Variants in CNTNAP2 observed in about 807,000 individuals in gnomAD.
CNTNAP2 encodes the protein contactin-associated protein-like 2.
Under a neutral mutation model 155.2 loss-of-function variants are expected in CNTNAP2, and 98 were observed. The observed-to-expected ratio is 0.63, with a 90% CI of 0.54 to 0.75. CNTNAP2 has a LOEUF of 0.75. Ranked by LOEUF, CNTNAP2 falls within the 30% of genes least tolerant of loss-of-function variation. The pLI, the probability that CNTNAP2 is intolerant of heterozygous loss-of-function variation, is 0.00. For synonymous variants in CNTNAP2, 651 were observed against 631.2 expected, an observed-to-expected ratio of 1.03 and a Z score of -0.47; for missense variants, 1,727 against 1,688.1, an observed-to-expected ratio of 1.02 and a Z score of -0.40.
chr7:147,542,451 A>G (rs1234967169), intron 11 of CNTNAP2, among the ~76,000 whole-genome samples: 3 of 152,208 alleles, frequency 2.0e-5, no homozygotes, highest in Non-Finnish European at 4.4e-5. Context: ...AAATTACTAA[A>G]TCTCCCTGAG....
intron 11 of CNTNAP2, among the ~76,000 whole-genome samples, chr7:147,539,735 GGT>G (rs1799607332): frequency 6.6e-6 from 1 of 152,176 alleles, no homozygotes. Flanking sequence ...TATGGACCAT[GGT>G]GTCAGGAATA....
intron 3 of CNTNAP2, among the ~76,000 whole-genome samples, chr7:146,946,877 A>G (rs946903203): frequency 1.3e-5 from 2 of 152,112 alleles, no homozygotes; most frequent in Non-Finnish European, 2.9e-5. Context: ...CATTATTTAA[A>G]ACTGATAATT....
At chr7:146,573,845 G>A (rs1798480070) in intron 1 of CNTNAP2, among the ~76,000 whole-genome samples, 1 of 151,974 alleles carries the variant, frequency 6.6e-6, no homozygotes, top group African/African-American at 2.4e-5. Flanking sequence ...TTCTTCATAG[G>A]GTTTTTCTTA....
chr7:147,653,071 C>T (rs765446241), intron 13 of CNTNAP2, among the ~76,000 whole-genome samples: 36 of 151,762 alleles, frequency 2.4e-4, no homozygotes, highest in East Asian at 5.8e-4. Flanking sequence ...GTGAAAGAAA[C>T]GAAAAAAACA....
chr7:147,197,379 C>A (rs879707051), intron 8 of CNTNAP2, among the ~76,000 whole-genome samples: 1 of 125,570 alleles, frequency 8.0e-6, no homozygotes, highest in Non-Finnish European at 1.6e-5. Context: ...GATAAATAAT[C>A]TGCTTTTGTC....
chr7:148,130,813 A>G lies in CNTNAP2; in HGVS notation c.2554+12525A>G, dbSNP rs539478653. On this transcript the variant is annotated intron_variant, in intron 16 of 23. Transcript: ENST00000361727. ...ATCCTGCCCACACAAAATTTTTTTTATCATTTTGCATCTTGATTTATAATA... is the reference window on the plus strand; with the variant it reads ...ATCCTGCCCACACAAAATTTTTTTTGTCATTTTGCATCTTGATTTATAATA... Among the ~76,000 whole-genome samples, 3 of 152,274 alleles carry G rather than the reference A, an allele frequency of 2.0e-5. No individual in the cohort carries two copies. The East Asian group carries it at 5.8e-4, about 29-fold the overall frequency.
chr7:146,784,682 G>T (rs1311142943), intron 2 of CNTNAP2, among the ~76,000 whole-genome samples: 1 of 152,134 alleles, frequency 6.6e-6, no homozygotes, highest in East Asian at 1.9e-4. Flanking sequence ...GAAATTTTGA[G>T]TGGACACTCT....
chr7:147,553,350 G>A (rs1436482180), intron 11 of CNTNAP2, among the ~76,000 whole-genome samples: 1 of 152,142 alleles, frequency 6.6e-6, no homozygotes, highest in African/African-American at 2.4e-5. Flanking sequence ...GAATCACATG[G>A]TTCTGGGGAG....
At chr7:146,216,281 G>A (rs13224771) in intron 1 of CNTNAP2, among the ~76,000 whole-genome samples, 10,883 of 152,224 alleles carry the variant, frequency 0.071, 441 homozygotes, top group Middle Eastern at 0.14. Context: ...CAAGGTGGGA[G>A]ATATGAGTGG....
intron 2 of CNTNAP2, among the ~76,000 whole-genome samples, chr7:146,828,725 A>AG (rs1257463230): frequency 5.3e-5 from 8 of 152,138 alleles, no homozygotes; most frequent in Non-Finnish European, 1.0e-4. Context: ...TATACTGTTT[A>AG]GTAAGTGAGC....
intron 1 of CNTNAP2, among the ~76,000 whole-genome samples, chr7:146,283,050 T>G (rs1167778389): frequency 6.6e-6 from 1 of 152,180 alleles, no homozygotes; most frequent in Non-Finnish European, 1.5e-5. Flanking sequence ...TTGCCTGAAA[T>G]TATTTAGATG....
At chr7:146,468,732 C>A (rs1389509764) in intron 1 of CNTNAP2, among the ~76,000 whole-genome samples, 1 of 152,046 alleles carries the variant, frequency 6.6e-6, no homozygotes, top group Non-Finnish European at 1.5e-5. Context: ...AAAAAGATGG[C>A]AAAGCTGATT....
intron 12 of CNTNAP2, among the ~76,000 whole-genome samples, chr7:147,601,375 T>C (rs997641504): frequency 2.0e-5 from 3 of 151,768 alleles, no homozygotes; most frequent in Admixed American, 6.6e-5. Flanking sequence ...AAGGGGGTTG[T>C]TCTCTGGCGG....
chr7:147,821,168 T>A lies in CNTNAP2; in HGVS notation c.2099-82397T>A, dbSNP rs117127930. The stretch of plus-strand genomic sequence containing the variant: ...GGAATATAAAGAGGAATAGGAATTT[T>A]TATTATATTTTTAAACAACATGACT... On this transcript the variant is annotated intron_variant, in intron 13 of 23. Coordinates refer to ENST00000361727, the MANE Select transcript of CNTNAP2 (RefSeq NM_014141.6). 3.2e-3 allele frequency among the ~76,000 whole-genome samples: 481 copies of A among 152,246 alleles called. 7 individuals are homozygous for A. The East Asian group carries it at 0.034, about 11-fold the overall frequency.
intron 1 of CNTNAP2, among the ~76,000 whole-genome samples, chr7:146,246,686 A>G (rs1799663832): frequency 6.6e-6 from 1 of 151,912 alleles, no homozygotes; most frequent in Non-Finnish European, 1.5e-5. Flanking sequence ...GGAGTCAGAG[A>G]GCCTTCGGCC....
At chr7:148,152,613 G>A (rs1805316913) in intron 17 of CNTNAP2, among the ~76,000 whole-genome samples, 1 of 152,140 alleles carries the variant, frequency 6.6e-6, no homozygotes, top group Admixed American at 6.5e-5. Flanking sequence ...CAGAGTTCAG[G>A]CCTCTCCCAT....
chr7:146,434,823 GA>G (rs141766929), intron 1 of CNTNAP2, among the ~76,000 whole-genome samples: 1 of 151,690 alleles, frequency 6.6e-6, no homozygotes, highest in East Asian at 1.9e-4. Flanking sequence ...AATTCCTGGG[GA>G]AAAAAAAGAA....
At chr7:146,865,593 T>C (rs1795189287) in intron 3 of CNTNAP2, among the ~76,000 whole-genome samples, 1 of 152,106 alleles carries the variant, frequency 6.6e-6, no homozygotes, top group Admixed American at 6.6e-5. Context: ...ATGATATCCA[T>C]ATGGAGAAAA....
intron 9 of CNTNAP2, among the ~76,000 whole-genome samples, chr7:147,357,669 T>A (rs773914672): frequency 2.0e-5 from 3 of 152,152 alleles, no homozygotes; most frequent in Non-Finnish European, 1.5e-5. Context: ...ACGAGTCTTG[T>A]TTTATAGTCT....
Sources: gnomAD v4.1 joint callset for allele counts (sites outside exome capture counted in the v4.1 genomes callset) on GRCh38, gnomAD v4.1.1 for gene constraint, MANE v1.5 for transcripts, NCBI Gene and HGNC (gene_info 2026-07-23, HGNC 2026-07-21) for gene names.